The following EPHB2 variants were observed in gnomAD, a reference collection of about 807,000 sequenced individuals.
EPHB2 encodes EPH receptor B2, also known as ephrin type-B receptor 2.
EPHB2 carries 18 observed loss-of-function variants against 96.4 expected under a neutral mutation model. The ratio of observed to expected loss-of-function variants is 0.19; its 90% confidence interval spans 0.13 to 0.28. The LOEUF (loss-of-function observed/expected upper bound fraction) is 0.28. Ranked by LOEUF, EPHB2 falls within the 10% of genes least tolerant of loss-of-function variation. The pLI, the probability that EPHB2 is intolerant of heterozygous loss-of-function variation, is 1.00. For synonymous variants in EPHB2, 506 were observed against 534.1 expected (o/e 0.95, Z 0.72); for missense variants, 989 against 1,355.4 (o/e 0.73, Z 4.25).
At chr1:22,781,136 C>T (rs1036202493) in intron 1 of EPHB2, among the ~76,000 whole-genome samples, 17 of 151,778 alleles carry the variant, frequency 1.1e-4, no homozygotes, top group African/African-American at 3.9e-4. Context: ...CTGGCTAACA[C>T]GGTGAAACCC....
intron 1 of EPHB2, 149 bp downstream of exon 1, chr1:22,711,192 G>A (rs1367447103): frequency 2.0e-5 from 3 of 146,766 alleles, no homozygotes; most frequent in Non-Finnish European, 4.5e-5. Context: ...GTGTCCGGCC[G>A]CGCCGGGAGG....
At chr1:22,780,781 A>T (rs751506793) in intron 1 of EPHB2, among the ~76,000 whole-genome samples, 3 of 152,322 alleles carry the variant, frequency 2.0e-5, no homozygotes, top group Admixed American at 2.0e-4. Context: ...AGGGAAGGAC[A>T]GTACCTAGGT....
In EPHB2 at chr1:22,863,111, A is replaced by G; in HGVS notation, c.886A>G (p.Thr296Ala). 2 of 1,614,148 alleles carry G rather than the reference A, an allele frequency of 1.2e-6. No homozygotes were observed. Among genetic ancestry groups the G allele is most frequent in the South Asian group, 2.2e-5 (2 of 91,064 alleles). Residue 296 changes from threonine (T) to alanine (A), a missense_variant, in exon 4 of 16, where the codon ACT becomes GCT. Thr to Ala is a moderately conservative substitution (Grantham distance 58). Transcript: ENST00000374630. ...CTHCPINSRT[T>A]SEGATNCVCR... is the part of the protein sequence containing the mutation. ...CCACTGTCCCATCAACAGCCGGACC[A>G]CTTCTGAAGGGGCCACCAACTGTGT...
At chr1:22,898,257 C>T (rs1216025909) in intron 9 of EPHB2, among the ~76,000 whole-genome samples, 3 of 152,028 alleles carry the variant, frequency 2.0e-5, no homozygotes, top group South Asian at 2.1e-4. Flanking sequence ...AGTAACGGAC[C>T]GAGAGTTGTG....
At chr1:22,861,011 A>G (rs980020053) in intron 3 of EPHB2, among the ~76,000 whole-genome samples, 7 of 152,214 alleles carry the variant, frequency 4.6e-5, no homozygotes, top group African/African-American at 1.7e-4. Context: ...GCTCTTACCA[A>G]TGAGAACAAT....
At chr1:22,900,067 G>A (rs1317325660) in intron 9 of EPHB2, among the ~76,000 whole-genome samples, 1 of 152,000 alleles carries the variant, frequency 6.6e-6, no homozygotes, top group Non-Finnish European at 1.5e-5. Flanking sequence ...GCCAAGGCGG[G>A]TGGATTACCT....
intron 1 of EPHB2, among the ~76,000 whole-genome samples, chr1:22,775,536 G>A (rs1043909126): frequency 6.6e-6 from 1 of 152,252 alleles, no homozygotes; most frequent in Admixed American, 6.5e-5. Flanking sequence ...TCCAGCCTGA[G>A]AGCAGGCAGG....
rs772724033 is a variant in EPHB2, at chr1:22,726,424, C to CT, written c.61+15393dup. ...TAATAGTTTCTTTTTCTTTTTTTTT[C>CT]TTTTTTTTTTTTATGAGACGGAGTC... On this transcript the variant is annotated intron_variant, in intron 1 of 15. Coordinates refer to ENST00000374630, the MANE Select transcript of EPHB2 (RefSeq NM_017449.5). Among the ~76,000 whole-genome samples, 409 of 91,190 alleles carry CT rather than the reference C, an allele frequency of 4.5e-3. 3 individuals are homozygous for CT. The highest frequency in any genetic ancestry group is 1.0e-2 in the African/African-American group (328 of 32,916). The allele number at this position is 91,190 out of a possible 152,430, so 59.8% of individuals were successfully genotyped here.
chr1:22,775,501 C>T (rs1445475392), intron 1 of EPHB2, among the ~76,000 whole-genome samples: 1 of 152,240 alleles, frequency 6.6e-6, no homozygotes, highest in Non-Finnish European at 1.5e-5. Context: ...AGGGGTGGAT[C>T]GGAGAATAGG....
intron 3 of EPHB2, among the ~76,000 whole-genome samples, chr1:22,797,528 C>T (rs747918042): frequency 6.6e-6 from 1 of 152,088 alleles, no homozygotes; most frequent in Non-Finnish European, 1.5e-5. Context: ...CTTCTCTCTC[C>T]CTGATGACTC....
rs892047105 is a variant in EPHB2 at position 22,913,380 on chromosome 1, G to A, written c.2853-82G>A. On this transcript the variant is annotated intron_variant, in intron 15 of 15. Transcript: ENST00000374630. This position sits in a 1 kb window ranked among gnomAD's most constrained non-coding sequence, Gnocchi z 4.1. ...CTCCTTGCTTTGCCATCTTCCTCCC[G>A]GGGAAGCCCAGGCAGCTCTCTACCA... 9.0e-6 allele frequency: 14 copies of A among 1,555,768 alleles called. No individual in the cohort carries two copies. The highest frequency in any genetic ancestry group is 5.7e-5 in the Admixed American group (3 of 52,742).
chr1:22,757,567 G>T (rs1273047025), intron 1 of EPHB2, among the ~76,000 whole-genome samples: 1 of 152,098 alleles, frequency 6.6e-6, no homozygotes, highest in Non-Finnish European at 1.5e-5. Context: ...TTACCCTAAA[G>T]ATATTAAAAA....
At chr1:22,719,495 C>T (rs1222981765) in intron 1 of EPHB2, 1 of 154,232 alleles carries the variant, frequency 6.5e-6, no homozygotes, top group Admixed American at 6.5e-5. Flanking sequence ...GGAGTGACTG[C>T]CTCTTAAGAC....
intron 3 of EPHB2, among the ~76,000 whole-genome samples, chr1:22,850,741 C>A (rs1175401464): frequency 6.6e-6 from 1 of 152,114 alleles, no homozygotes; most frequent in Non-Finnish European, 1.5e-5. Flanking sequence ...TGGCATGAAC[C>A]CCAAATATAG....
intron 1 of EPHB2, among the ~76,000 whole-genome samples, chr1:22,741,171 C>T (rs1380908551): frequency 2.6e-5 from 4 of 151,964 alleles, no homozygotes; most frequent in African/African-American, 9.7e-5. Context: ...CTTAATCTCT[C>T]CCCCCGACCC....
chr1:22,726,936 C>G lies in EPHB2; in HGVS notation c.61+15893C>G, dbSNP rs749543554. Among the ~76,000 whole-genome samples the G allele has an allele frequency of 2.6e-5, 4 of 152,070 alleles. No individual in the cohort carries two copies. The East Asian group carries it at 7.7e-4, about 29-fold the overall frequency. On this transcript the variant is annotated intron_variant, in intron 1 of 15. Transcript: ENST00000374630. ...TAGATGGAAAGAAGGGCATTCTTAG[C>G]AGGGGGAACAGCCTAGGCAAAGGCC... is the stretch of plus-strand genomic sequence containing the variant.
At chr1:22,766,270 G>A (rs987884592) in intron 1 of EPHB2, among the ~76,000 whole-genome samples, 1 of 152,158 alleles carries the variant, frequency 6.6e-6, no homozygotes, top group Non-Finnish European at 1.5e-5. Flanking sequence ...CTGTGAAATG[G>A]GGACCACATG....
In EPHB2 at chr1:22,759,152, G is replaced by A. The variant is rs184099363; in HGVS notation, c.62-22269G>A. ...CCTTCCTCTCGGAACATTTTCCCCA[G>A]CTATTTTCCCAGCTCGCTTCCTCAC... is the stretch of plus-strand genomic sequence containing the variant. On this transcript the variant is annotated intron_variant, in intron 1 of 15. Transcript: ENST00000374630. Among the ~76,000 whole-genome samples the A allele has an allele frequency of 5.3e-5, 8 of 152,186 alleles. No homozygotes were observed. In the East Asian group the frequency reaches 1.4e-3, roughly 26 times the overall value.
At position 22,910,390 on chromosome 1, in the gene EPHB2, T is replaced by C. The variant is rs991720924; in HGVS notation, c.2511T>C (p.Asn837=). 1 of 1,614,164 alleles carries C rather than the reference T, an allele frequency of 6.2e-7. No individual in the cohort carries two copies. Among genetic ancestry groups the C allele is most frequent in the Non-Finnish European group, 8.5e-7 (1 of 1,180,008 alleles). The change falls in exon 14 of 16, where the codon AAT becomes AAC. Residue 837 remains asparagine, a synonymous_variant. Coordinates refer to ENST00000374630, the MANE Select transcript of EPHB2 (RefSeq NM_017449.5). ...YWDMTNQDVI[N]AIEQDYRLPP... is the part of the protein sequence containing the mutation. ...CTCCTGCATTGTCCCAGGTAATCAA[T>C]GCCATTGAGCAGGACTATCGGCTGC...
Sources: allele counts gnomAD v4.1 joint callset (sites outside exome capture counted in the v4.1 genomes callset), GRCh38; gene constraint gnomAD v4.1.1; non-coding constraint Gnocchi (gnomAD v3.1); transcripts MANE v1.5; gene names NCBI Gene and HGNC (gene_info 2026-07-23, HGNC 2026-07-21).